Variants in ADAMTSL1 observed in about 807,000 individuals in gnomAD.
The protein encoded by ADAMTSL1 is ADAMTS like 1.
In ADAMTSL1, 126 loss-of-function variants were observed where a neutral mutation model predicts 201.8. The observed-to-expected ratio is 0.62, with a 90% CI of 0.54 to 0.72. The LOEUF (loss-of-function observed/expected upper bound fraction) is 0.72. Among genes scored for constraint, ADAMTSL1 ranks in the 30% least tolerant of loss-of-function variants. The pLI is 0.00. For missense variants in ADAMTSL1, 2,679 were observed against 2,277.8 expected, an observed-to-expected ratio of 1.18 and a Z score of -3.59; for synonymous variants, 1,121 against 903.4, an observed-to-expected ratio of 1.24 and a Z score of -4.32.
intron 4 of ADAMTSL1, among the ~76,000 whole-genome samples, chr9:18,614,234 C>T (rs1825563955): frequency 6.6e-6 from 1 of 152,122 alleles, no homozygotes; most frequent in Admixed American, 6.6e-5. Context: ...TGCTAAACCC[C>T]AGAAGAGAGA....
At chr9:18,547,400 A>G (rs1319616994) in intron 3 of ADAMTSL1, among the ~76,000 whole-genome samples, 2 of 152,042 alleles carry the variant, frequency 1.3e-5, no homozygotes, top group African/African-American at 4.8e-5. Context: ...AGCAAGAGAA[A>G]AAGTCCATGG....
intron 1 of ADAMTSL1, among the ~76,000 whole-genome samples, chr9:18,051,834 G>A (rs1037434674): frequency 6.6e-6 from 1 of 152,080 alleles, no homozygotes; most frequent in African/African-American, 2.4e-5. Context: ...AACAGATGCT[G>A]AGTAGACAAA....
intron 1 of ADAMTSL1, among the ~76,000 whole-genome samples, chr9:18,075,304 T>C (rs1192367989): frequency 1.3e-5 from 2 of 152,338 alleles, no homozygotes; most frequent in African/African-American, 4.8e-5. Context: ...TATGGTACAC[T>C]TGTATGCATT....
At chr9:18,900,019 G>C (rs904239165) in intron 26 of ADAMTSL1, among the ~76,000 whole-genome samples, 3 of 152,190 alleles carry the variant, frequency 2.0e-5, no homozygotes, top group Non-Finnish European at 4.4e-5. Flanking sequence ...CAGAATAGGA[G>C]AAAAATTTTG....
At chr9:18,704,773 T>C (rs957698036) in intron 13 of ADAMTSL1, among the ~76,000 whole-genome samples, 2 of 152,218 alleles carry the variant, frequency 1.3e-5, no homozygotes, top group Non-Finnish European at 2.9e-5. Flanking sequence ...ATACCATTTT[T>C]TTCCAAGTTC....
intron 1 of ADAMTSL1, among the ~76,000 whole-genome samples, chr9:17,972,751 A>T (rs62551543): frequency 0.17 from 25,418 of 147,874 alleles, 2,650 homozygotes; most frequent in East Asian, 0.4. Context: ...TGACTTCCAC[A>T]AGGGTTGAAC....
chr9:18,400,450 G>T lies in ADAMTSL1; in HGVS notation c.208-104379G>T, dbSNP rs558074488. 1.8e-4 allele frequency among the ~76,000 whole-genome samples: 28 copies of T among 152,212 alleles called. 1 individual carries two copies. In the South Asian group the frequency reaches 5.4e-3, roughly 29 times the overall value. ...TGGGGATCATTATCAAACTTGGAAGGCCTTTACTATGTTTCGTTCATAATA... is the reference window on the plus strand; with the variant it reads ...TGGGGATCATTATCAAACTTGGAAGTCCTTTACTATGTTTCGTTCATAATA... On this transcript the variant is annotated intron_variant, in intron 2 of 29. Transcript: ENST00000680146.
chr9:18,169,177 G>A (rs1423107023), intron 2 of ADAMTSL1, among the ~76,000 whole-genome samples: 4 of 151,622 alleles, frequency 2.6e-5, no homozygotes, highest in African/African-American at 4.8e-5. Flanking sequence ...TGCTTTTGGT[G>A]TTTTAGGTAT....
At chr9:18,413,911 TACTC>T (rs1302452540) in intron 2 of ADAMTSL1, among the ~76,000 whole-genome samples, 1 of 152,210 alleles carries the variant, frequency 6.6e-6, no homozygotes, top group East Asian at 1.9e-4. Context: ...GTTTTTCAAA[TACTC>T]AGAAGAAGAA....
chr9:18,561,708 TGA>T (rs1821513318), intron 3 of ADAMTSL1, among the ~76,000 whole-genome samples: 1 of 152,206 alleles, frequency 6.6e-6, no homozygotes. Context: ...TTGGTGCTCC[TGA>T]ATTGGGTGCA....
intron 4 of ADAMTSL1, among the ~76,000 whole-genome samples, chr9:18,584,475 G>A (rs1017821654): frequency 4.6e-5 from 7 of 152,142 alleles, no homozygotes; most frequent in South Asian, 2.1e-4. Flanking sequence ...CTAATACATC[G>A]CTGAAAGTTC....
chr9:18,615,613 T>A (rs1294599354), intron 4 of ADAMTSL1, among the ~76,000 whole-genome samples: 1 of 152,224 alleles, frequency 6.6e-6, no homozygotes, highest in Non-Finnish European at 1.5e-5. Context: ...TCACCAGCTA[T>A]GTGACCTTGG....
intron 5 of ADAMTSL1, among the ~76,000 whole-genome samples, chr9:18,628,042 C>T (rs772590248): frequency 2.6e-5 from 4 of 152,130 alleles, no homozygotes; most frequent in Non-Finnish European, 4.4e-5. Context: ...TCCATCATAG[C>T]TTTTTTATTC....
chr9:18,404,077 T>C (rs1394319042), intron 2 of ADAMTSL1, among the ~76,000 whole-genome samples: 1 of 152,226 alleles, frequency 6.6e-6, no homozygotes, highest in African/African-American at 2.4e-5. Context: ...CTATAATCTT[T>C]ATAAGGATGA....
At chr9:18,070,667 TA>T (rs2131731709) in intron 1 of ADAMTSL1, among the ~76,000 whole-genome samples, 1 of 152,202 alleles carries the variant, frequency 6.6e-6, no homozygotes, top group Non-Finnish European at 1.5e-5. Context: ...TGGGAAATGA[TA>T]AGAAAGCAAA....
At chr9:18,646,012 T>C (rs1454140279) in intron 7 of ADAMTSL1, among the ~76,000 whole-genome samples, 2 of 152,212 alleles carry the variant, frequency 1.3e-5, no homozygotes, top group Non-Finnish European at 2.9e-5. Flanking sequence ...TGATTCTTCC[T>C]ATCCATGAGC....
At chr9:18,723,939 C>T (rs374739171) in intron 15 of ADAMTSL1, 1 of 152,114 alleles carries the variant, frequency 6.6e-6, no homozygotes, top group Admixed American at 6.5e-5. Context: ...TGTTGTTTTC[C>T]CACACAACCC....
At chr9:17,997,395 A>G (rs553244469) in intron 1 of ADAMTSL1, among the ~76,000 whole-genome samples, 148 of 152,212 alleles carry the variant, frequency 9.7e-4, no homozygotes, top group Non-Finnish European at 1.9e-3. Context: ...GTTGTGTTGT[A>G]TATATGGGCA....
At chr9:18,408,452 T>C (rs565268598) in intron 2 of ADAMTSL1, among the ~76,000 whole-genome samples, 3 of 151,946 alleles carry the variant, frequency 2.0e-5, no homozygotes, top group African/African-American at 7.2e-5. Context: ...GCCTGGGTGA[T>C]AGAGTGAGAC....
Sources: allele counts gnomAD v4.1 joint callset (sites outside exome capture counted in the v4.1 genomes callset), GRCh38; gene constraint gnomAD v4.1.1; transcripts MANE v1.5; gene names NCBI Gene and HGNC (gene_info 2026-07-23, HGNC 2026-07-21).